WDFY4: variants seen among roughly 807,000 people sequenced by gnomAD.
WDFY4 encodes WDFY family member 4.
In WDFY4, 169 loss-of-function variants were observed where a neutral mutation model predicts 351.9. The ratio of observed to expected loss-of-function variants is 0.48; its 90% CI spans 0.42 to 0.55. The LOEUF (loss-of-function observed/expected upper bound fraction) is 0.55, where lower values mean the gene tolerates loss of function less well. Ranked by LOEUF, WDFY4 falls within the 20% of genes least tolerant of loss-of-function variation. The pLI, the probability that WDFY4 is intolerant of heterozygous loss-of-function variation, is 0.00. For missense variants in WDFY4, 3,803 were observed against 3,935.6 expected (o/e 0.97, Z 0.90); for synonymous variants, 1,622 against 1,574.6 (o/e 1.03, Z -0.71).
rs1403537490 is a variant in WDFY4 at position 48,898,619 on chromosome 10, A to G, written c.7437+1045A>G. ...AAACTGAAGCTCAGGGTGGCCTTTAAGGTGGGGGAATTCCTGAAAGGCCCC... is the reference window on the plus strand; with the variant it reads ...AAACTGAAGCTCAGGGTGGCCTTTAGGGTGGGGGAATTCCTGAAAGGCCCC... On this transcript the variant is annotated intron_variant, in intron 45 of 61. Transcript: ENST00000325239. Among the ~76,000 whole-genome samples the G allele has an allele frequency of 2.0e-5, 3 of 152,140 alleles. No individual in the cohort carries two copies. The East Asian group carries it at 5.8e-4, about 29-fold the overall frequency.
intron 1 of WDFY4, among the ~76,000 whole-genome samples, chr10:48,700,356 C>A (rs1291454703): frequency 6.6e-6 from 1 of 152,224 alleles, no homozygotes; most frequent in African/African-American, 2.4e-5. Context: ...AATGCTCTTG[C>A]CCAGTTTCTG....
chr10:48,851,739 G>A (rs767405942), intron 39 of WDFY4, among the ~76,000 whole-genome samples: 104 of 152,384 alleles, frequency 6.8e-4, no homozygotes, highest in Non-Finnish European at 2.1e-4. Context: ...AGCTTGGTCA[G>A]TAGTGTCACC....
rs550497877 is a variant in WDFY4, at chr10:48,965,682, T to A, written c.8437-844T>A. ...ACGCCTGGTGGATGACTTGCAGGAA[T>A]GTGCTTCTGGCTGGAAAGAGCAGCC... On this transcript the variant is annotated intron_variant, in intron 54 of 61. Coordinates refer to ENST00000325239, the MANE Select transcript of WDFY4 (RefSeq NM_001394531.1). 1.3e-3 allele frequency among the ~76,000 whole-genome samples: 190 copies of A among 146,904 alleles called. 1 individual carries two copies. The highest frequency in any genetic ancestry group is 2.0e-3 in the Non-Finnish European group (131 of 64,042).
intron 47 of WDFY4, among the ~76,000 whole-genome samples, chr10:48,932,268 G>A (rs948801219): frequency 6.6e-6 from 1 of 152,156 alleles, no homozygotes; most frequent in Non-Finnish European, 1.5e-5. Flanking sequence ...AGACTGCACC[G>A]TCTCCATCAC....
At chr10:48,735,032 C>T (rs557029175) in intron 10 of WDFY4, among the ~76,000 whole-genome samples, 1 of 148,476 alleles carries the variant, frequency 6.7e-6, no homozygotes, top group South Asian at 2.1e-4. Flanking sequence ...CTCAGGCGAT[C>T]TGCCTGCCTC....
intron 26 of WDFY4, 21 bp downstream of exon 26, chr10:48,805,442 G>C (rs1000314309): frequency 1.3e-6 from 2 of 1,545,236 alleles, no homozygotes; most frequent in African/African-American, 1.4e-5. Flanking sequence ...AAGCTGCCCA[G>C]GGGGAAGAGC....
At chr10:48,826,476 T>C (rs1011332865) in intron 35 of WDFY4, among the ~76,000 whole-genome samples, 195 bp from the exon 36 acceptor site, 1 of 152,246 alleles carries the variant, frequency 6.6e-6, no homozygotes, top group Non-Finnish European at 1.5e-5. Context: ...CATATGAATT[T>C]TAAAATAGTT....
intron 39 of WDFY4, among the ~76,000 whole-genome samples, chr10:48,844,227 T>A (rs1015549052): frequency 3.9e-5 from 6 of 152,186 alleles, no homozygotes; most frequent in Non-Finnish European, 1.5e-5. Context: ...GATGTAAACT[T>A]GGCTCTTGGG....
intron 12 of WDFY4, among the ~76,000 whole-genome samples, chr10:48,751,723 A>G (rs1565159489): frequency 1.3e-5 from 2 of 152,200 alleles, no homozygotes; most frequent in African/African-American, 2.4e-5. Context: ...GGAGATAGTT[A>G]TTAATCTTGC....
chr10:48,765,278 A>G (rs11101462), intron 13 of WDFY4, among the ~76,000 whole-genome samples: 18,808 of 152,250 alleles, frequency 0.12, 1,582 homozygotes, highest in African/African-American at 0.23. Context: ...CATAGAGGGC[A>G]GACTTCAGGC....
At chr10:48,946,753 A>G (rs1841062379) in intron 50 of WDFY4, 107 bp from the exon 51 acceptor site, 1 of 815,350 alleles carries the variant, frequency 1.2e-6, no homozygotes, top group East Asian at 2.7e-5. Flanking sequence ...CTAAACGTCA[A>G]TGAATATATG....
chr10:48,953,837 C>T (rs1841459948), intron 51 of WDFY4, among the ~76,000 whole-genome samples: 1 of 152,234 alleles, frequency 6.6e-6, no homozygotes, highest in Non-Finnish European at 1.5e-5. Context: ...ATTGAAGCCA[C>T]ATTGGAGAGG....
chr10:48,888,326 T>C (rs1409574022), intron 43 of WDFY4, among the ~76,000 whole-genome samples: 1 of 144,578 alleles, frequency 6.9e-6, no homozygotes, highest in Non-Finnish European at 1.5e-5. Context: ...TCTTCCTTCT[T>C]TCCCTTTCCT....
At chr10:48,839,819 T>A (rs2068534804) in intron 39 of WDFY4, among the ~76,000 whole-genome samples, 1 of 152,260 alleles carries the variant, frequency 6.6e-6, no homozygotes, top group South Asian at 2.1e-4. Flanking sequence ...AAGGAAAGTA[T>A]AATTTAAAAA....
At chr10:48,840,554 T>C (rs1173494684) in intron 39 of WDFY4, among the ~76,000 whole-genome samples, 1 of 151,918 alleles carries the variant, frequency 6.6e-6, no homozygotes, top group Admixed American at 6.6e-5. Flanking sequence ...CACATCCCAT[T>C]GTGCAAGCAA....
intron 49 of WDFY4, among the ~76,000 whole-genome samples, 189 bp downstream of exon 49, chr10:48,943,638 G>A (rs1393658036): frequency 6.6e-6 from 1 of 151,926 alleles, no homozygotes; most frequent in East Asian, 1.9e-4. Context: ...CATCGCCCAG[G>A]CTGGAGTGCA....
chr10:48,812,179 C>CT lies in WDFY4; in HGVS notation c.5214+481dup, dbSNP rs1355851618. Among the ~76,000 whole-genome samples, 437 of 134,434 alleles carry CT rather than the reference C, an allele frequency of 3.3e-3. 2 individuals are homozygous for CT. The highest frequency in any genetic ancestry group is 0.01 in the African/African-American group (319 of 31,722). 88.2% of individuals were successfully genotyped at this position (134,434 alleles called of 152,430 possible). The stretch of plus-strand genomic sequence containing the variant: ...TAGTTATCCTTTCTTTCTTTCTTTT[C>CT]TTTTTTTTTTGTTTTTTTTGTTTTT... On this transcript the variant is annotated intron_variant, in intron 30 of 61. Coordinates refer to ENST00000325239, the MANE Select transcript of WDFY4 (RefSeq NM_001394531.1).
chr10:48,860,003 C>A (rs1386208429), intron 39 of WDFY4, among the ~76,000 whole-genome samples: 1 of 152,098 alleles, frequency 6.6e-6, no homozygotes, highest in Non-Finnish European at 1.5e-5. Context: ...CTGGTATTAC[C>A]TTACTTTTTA....
chr10:48,743,166 C>A lies in WDFY4; in HGVS notation c.2077C>A (p.His693Asn). Residue 693 changes from histidine to asparagine, a missense_variant, in exon 12 of 62, where the codon CAC becomes AAC. Coordinates refer to ENST00000325239, the MANE Select transcript of WDFY4 (RefSeq NM_001394531.1). ...YTLCAVSAAL[H>N]WDPVNGYFFR... ...TCTCTGTGCTGTGTCCGCAGCGCTG[C>A]ACTGGGACCCTGTCAATGGCTACTT... The A allele has an allele frequency of 6.4e-7, 1 of 1,551,742 alleles. No individual in the cohort carries two copies. The highest frequency in any genetic ancestry group is 1.2e-5 in the South Asian group (1 of 84,056).
Sources: allele counts gnomAD v4.1 joint callset (sites outside exome capture counted in the v4.1 genomes callset), GRCh38; gene constraint gnomAD v4.1.1; transcripts MANE v1.5; gene names NCBI Gene and HGNC (gene_info 2026-07-23, HGNC 2026-07-21).